Variants in GPC6 observed in about 807,000 individuals in gnomAD.
GPC6 encodes the protein glypican-6.
GPC6 carries 14 observed loss-of-function variants against 55.2 expected under a neutral mutation model. The observed-to-expected ratio is 0.25, with a 90% CI of 0.17 to 0.40. GPC6 has a LOEUF of 0.40. Ranked by LOEUF, GPC6 falls within the 10% of genes least tolerant of loss-of-function variation. The pLI is 1.00. For missense variants in GPC6, 641 were observed against 708.5 expected, an observed-to-expected ratio of 0.90 and a Z score of 1.08; for synonymous variants, 278 against 259.6, an observed-to-expected ratio of 1.07 and a Z score of -0.68.
chr13:93,401,211 A>G (rs1876063055), intron 1 of GPC6, among the ~76,000 whole-genome samples: 1 of 146,998 alleles, frequency 6.8e-6, no homozygotes, highest in African/African-American at 2.5e-5. Flanking sequence ...TGACTTTTGT[A>G]TTTTTGCTGC....
At chr13:93,522,300 C>T (rs1400871206) in intron 1 of GPC6, among the ~76,000 whole-genome samples, 1 of 151,976 alleles carries the variant, frequency 6.6e-6, no homozygotes, top group East Asian at 1.9e-4. Flanking sequence ...TGATTTTTAG[C>T]TTCCAATCTC....
chr13:93,440,966 T>C (rs1877774037), intron 1 of GPC6, among the ~76,000 whole-genome samples: 1 of 152,100 alleles, frequency 6.6e-6, no homozygotes, highest in African/African-American at 2.4e-5. Context: ...GTCCTTGTGA[T>C]AGTTTGCTGA....
intron 3 of GPC6, among the ~76,000 whole-genome samples, chr13:93,882,865 A>T (rs1221735571): frequency 6.6e-6 from 1 of 152,156 alleles, no homozygotes; most frequent in East Asian, 1.9e-4. Context: ...AGCCTTGAAC[A>T]GACTCACTGA....
intron 3 of GPC6, among the ~76,000 whole-genome samples, chr13:93,878,171 A>G (rs556348304): frequency 6.6e-6 from 1 of 152,028 alleles, no homozygotes; most frequent in African/African-American, 2.4e-5. Flanking sequence ...GAGCAGTACT[A>G]TGGTTTGAAT....
chr13:93,383,672 T>C (rs1448980319), intron 1 of GPC6, among the ~76,000 whole-genome samples: 1 of 152,168 alleles, frequency 6.6e-6, no homozygotes, highest in Non-Finnish European at 1.5e-5. Flanking sequence ...GAATTTCCCC[T>C]AATCATGCTA....
chr13:93,302,655 T>A (rs1237331058), intron 1 of GPC6, among the ~76,000 whole-genome samples: 2 of 152,180 alleles, frequency 1.3e-5, no homozygotes, highest in Non-Finnish European at 2.9e-5. Context: ...AAGTCAAACT[T>A]GTCTGCCATT....
At chr13:93,950,425 C>T (rs1879201603) in intron 3 of GPC6, among the ~76,000 whole-genome samples, 1 of 151,814 alleles carries the variant, frequency 6.6e-6, no homozygotes, top group South Asian at 2.1e-4. Flanking sequence ...ATTTTTTTTC[C>T]ACCTATTAGG....
At chr13:93,643,852 C>A (rs148430844) in intron 2 of GPC6, among the ~76,000 whole-genome samples, 26 of 152,186 alleles carry the variant, frequency 1.7e-4, no homozygotes, top group African/African-American at 6.0e-4. Flanking sequence ...GGTTAGCCAG[C>A]CTTCTCCTTC....
intron 1 of GPC6, among the ~76,000 whole-genome samples, chr13:93,378,560 A>G (rs1875021464): frequency 2.0e-5 from 3 of 152,086 alleles, no homozygotes; most frequent in South Asian, 4.1e-4. Flanking sequence ...ATGTGTTTTC[A>G]TGTCTATCCC....
chr13:94,153,650 G>A (rs1887823615), intron 4 of GPC6, among the ~76,000 whole-genome samples: 1 of 152,112 alleles, frequency 6.6e-6, no homozygotes, highest in Non-Finnish European at 1.5e-5. Flanking sequence ...TAGAAATTGA[G>A]AGTCACAAAA....
At chr13:93,424,081 T>C (rs1594159741) in intron 1 of GPC6, among the ~76,000 whole-genome samples, 1 of 152,262 alleles carries the variant, frequency 6.6e-6, no homozygotes, top group East Asian at 1.9e-4. Context: ...GTGTGCCCCA[T>C]GGTGGGTTCC....
At chr13:94,081,851 T>A (rs1352809671) in intron 4 of GPC6, among the ~76,000 whole-genome samples, 2 of 150,152 alleles carry the variant, frequency 1.3e-5, no homozygotes, top group African/African-American at 4.9e-5. Context: ...TTCCTTTTTT[T>A]TTTTTTTGAG....
At chr13:93,362,192 A>G (rs1881062820) in intron 1 of GPC6, among the ~76,000 whole-genome samples, 1 of 152,206 alleles carries the variant, frequency 6.6e-6, no homozygotes, top group Non-Finnish European at 1.5e-5. Context: ...GTGCAAGCTC[A>G]GTGGAAGCAC....
intron 4 of GPC6, among the ~76,000 whole-genome samples, chr13:94,076,762 C>A (rs1029807123): frequency 6.6e-6 from 1 of 151,712 alleles, no homozygotes; most frequent in Non-Finnish European, 1.5e-5. Context: ...ATTTTTGGTA[C>A]CTTTTTTTGA....
intron 1 of GPC6, among the ~76,000 whole-genome samples, chr13:93,317,454 C>A (rs569567625): frequency 6.6e-6 from 1 of 152,178 alleles, no homozygotes; most frequent in South Asian, 2.1e-4. Flanking sequence ...GATAACCAGG[C>A]GCCTCTTTGA....
intron 5 of GPC6, among the ~76,000 whole-genome samples, chr13:94,292,466 A>G (rs1875039602): frequency 6.6e-6 from 1 of 152,218 alleles, no homozygotes. Context: ...AACTATGCCT[A>G]GTACTTCCAT....
At chr13:93,732,256 T>C (rs1883851237) in intron 2 of GPC6, among the ~76,000 whole-genome samples, 1 of 152,118 alleles carries the variant, frequency 6.6e-6, no homozygotes, top group African/African-American at 2.4e-5. Flanking sequence ...TCAGTTGTTC[T>C]CTGGTGGAAT....
chr13:93,584,491 G>T (rs1201048623), intron 2 of GPC6, among the ~76,000 whole-genome samples: 2 of 151,960 alleles, frequency 1.3e-5, no homozygotes, highest in Admixed American at 6.6e-5. Context: ...ATGTGTGTCT[G>T]TGTATGCATC....
At chr13:94,246,424 A>G (rs2139032199) in intron 4 of GPC6, among the ~76,000 whole-genome samples, 1 of 152,136 alleles carries the variant, frequency 6.6e-6, no homozygotes, top group East Asian at 1.9e-4. Flanking sequence ...CATTCAAGAC[A>G]TCATTGCCAA....
Sources: gnomAD v4.1 joint callset for allele counts (sites outside exome capture counted in the v4.1 genomes callset) on GRCh38, gnomAD v4.1.1 for gene constraint, MANE v1.5 for transcripts, NCBI Gene and HGNC (gene_info 2026-07-23, HGNC 2026-07-21) for gene names.